GRHL3: variants seen among roughly 807,000 people sequenced by gnomAD.
GRHL3 encodes grainyhead-like protein 3 homolog.
A neutral mutation model predicts 70.3 loss-of-function variants in GRHL3; 20 were observed. The ratio of observed to expected loss-of-function variants is 0.28; its 90% CI spans 0.20 to 0.41. The LOEUF is 0.41. Among genes scored for constraint, GRHL3 ranks in the 10% least tolerant of loss-of-function variants. The probability of loss-of-function intolerance (pLI) is 1.00; values close to 1 mark genes in which losing one functional copy is unlikely to be tolerated. For missense variants in GRHL3, 637 were observed against 762.3 expected, an observed-to-expected ratio of 0.84 and a Z score of 1.94; for synonymous variants, 299 against 299.9, an observed-to-expected ratio of 1.00 and a Z score of 0.03.
chr1:24,363,393 G>C (rs1055821762), intron 15 of GRHL3, among the ~76,000 whole-genome samples: 1 of 152,152 alleles, frequency 6.6e-6, no homozygotes, highest in African/African-American at 2.4e-5. Flanking sequence ...ACTAAGACAC[G>C]GACTTGAGTG....
chr1:24,358,741 C>T (rs1640892787), downstream of GRHL3: 5 of 673,892 alleles, frequency 7.4e-6, no homozygotes, highest in Admixed American at 5.5e-5. Context: ...GTATCTTACA[C>T]GTGGGGAGAC....
rs376264463 is a variant in GRHL3, at chr1:24,331,616, C to T, written c.204+4C>T. ...CTTCCTCTATGATTACTACATGGTA[C>T]GTCTACCCCCTCTGGACATGCCCCG... On this transcript the variant is annotated splice_donor_region_variant and intron_variant, in intron 2 of 15. Transcript: ENST00000361548. 46 of 1,609,408 alleles carry T rather than the reference C, an allele frequency of 2.9e-5. No homozygotes were observed. The highest frequency in any genetic ancestry group is 6.6e-5 in the South Asian group (6 of 90,426).
At chr1:24,348,130 G>C (rs1221541308) in intron 14 of GRHL3, among the ~76,000 whole-genome samples, 2 of 152,220 alleles carry the variant, frequency 1.3e-5, no homozygotes, top group African/African-American at 2.4e-5. Flanking sequence ...GCTGAAGGTG[G>C]AACCACTCGG....
At chr1:24,343,150 A>T in intron 11 of GRHL3, 125 bp downstream of exon 11, 1 of 1,053,456 alleles carries the variant, frequency 9.5e-7, no homozygotes, top group Non-Finnish European at 1.4e-6. Flanking sequence ...ACCTTTATTG[A>T]ATCATAGGGG....
At chr1:24,358,802 G>A (rs1640898637), downstream of GRHL3, among the ~76,000 whole-genome samples, 1 of 152,178 alleles carries the variant, frequency 6.6e-6, no homozygotes, top group Non-Finnish European at 1.5e-5. Flanking sequence ...TGGCCCAGGG[G>A]AAGTCAAACT....
intron 13 of GRHL3, among the ~76,000 whole-genome samples, chr1:24,347,235 C>T (rs867165145): frequency 6.6e-6 from 1 of 152,200 alleles, no homozygotes; most frequent in Non-Finnish European, 1.5e-5. Flanking sequence ...GTTAAAATCA[C>T]GTTTGCAAGG....
intron 3 of GRHL3, among the ~76,000 whole-genome samples, chr1:24,335,044 CA>C (rs1639745196): frequency 6.9e-6 from 1 of 144,426 alleles, no homozygotes; most frequent in Admixed American, 6.7e-5. Flanking sequence ...CACACACACA[CA>C]CACACACACA....
intron 1 of GRHL3, 132 bp from the exon 2 acceptor site, chr1:24,331,294 A>C (rs1569866789): frequency 2.6e-6 from 2 of 779,558 alleles, no homozygotes; most frequent in East Asian, 5.1e-5. Flanking sequence ...ACACTGCCTA[A>C]TGGTGGCAGA....
intron 2 of GRHL3, among the ~76,000 whole-genome samples, chr1:24,333,300 C>T (rs1639678131): frequency 6.6e-6 from 1 of 152,158 alleles, no homozygotes; most frequent in Non-Finnish European, 1.5e-5. Flanking sequence ...CCTAGTCCTG[C>T]CACAAATCTG....
At position 24,319,484 on chromosome 1, in the gene GRHL3, A is replaced by G; in HGVS notation, c.-68A>G. 1 of 1,439,822 alleles carries G rather than the reference A, an allele frequency of 6.9e-7. No individual in the cohort carries two copies. Among genetic ancestry groups the G allele is most frequent in the Non-Finnish European group, 9.8e-7 (1 of 1,021,326 alleles). 89.2% of individuals were successfully genotyped at this position (1,439,822 alleles called of 1,614,324 possible). ...TTCCCGGGCAGAGAATGTCTGTGTCAGGCAAGAATTAGAGACAAGCGGTCA... is the reference window on the plus strand; with the variant it reads ...TTCCCGGGCAGAGAATGTCTGTGTCGGGCAAGAATTAGAGACAAGCGGTCA... On this transcript the variant is annotated 5_prime_UTR_variant, in exon 1 of 16. Transcript: ENST00000361548.
At chr1:24,350,283 G>C (rs1640453751) in intron 15 of GRHL3, among the ~76,000 whole-genome samples, 161 bp downstream of exon 15, 1 of 152,168 alleles carries the variant, frequency 6.6e-6, no homozygotes, top group African/African-American at 2.4e-5. Context: ...GACCAGACAT[G>C]GGTCACAACT....
In GRHL3 at chr1:24,334,589, G is replaced by T; in HGVS notation, c.205-56G>T. On this transcript the variant is annotated intron_variant, in intron 2 of 15. Transcript: ENST00000361548. This position sits in a 1 kb window ranked among gnomAD's most constrained non-coding sequence, Gnocchi z 4.3. The stretch of plus-strand genomic sequence containing the variant: ...GGCCAAAGCTGCAGGAGGGGATTGA[G>T]GCTCCTACCAGCAGAAGCTTAGCCA... 6.9e-7 allele frequency: 1 copy of T among 1,446,392 alleles called. No homozygotes were observed. The highest frequency in any genetic ancestry group is 1.2e-5 in the South Asian group (1 of 85,176). 89.6% of individuals were successfully genotyped at this position (1,446,392 alleles called of 1,614,324 possible).
chr1:24,342,820 A>G lies in GRHL3; in HGVS notation c.1285+48A>G. 1 of 1,613,752 alleles carries G rather than the reference A, an allele frequency of 6.2e-7. No individual in the cohort carries two copies. Among genetic ancestry groups the G allele is most frequent in the Non-Finnish European group, 8.5e-7 (1 of 1,179,686 alleles). The stretch of plus-strand genomic sequence containing the variant: ...GGTGGGCTCGGCTGGCGTGAAGGGG[A>G]GAAGGAGACCAGAGGTGGGAGGGAC... On this transcript the variant is annotated intron_variant, in intron 10 of 15. Coordinates refer to ENST00000361548, the MANE Select transcript of GRHL3 (RefSeq NM_198173.3). This position sits in a 1 kb window ranked among gnomAD's most constrained non-coding sequence, Gnocchi z 4.8.
rs560367872 is a variant in GRHL3 at position 24,333,327 on chromosome 1, T to C, written c.205-1318T>C. On this transcript the variant is annotated intron_variant, in intron 2 of 15. Coordinates refer to ENST00000361548, the MANE Select transcript of GRHL3 (RefSeq NM_198173.3). ...ACAAATCTGGCTTCGGGTAATATAGTGCTAAAGGCAACTGCTTACCATTTC... is the reference window on the plus strand; with the variant it reads ...ACAAATCTGGCTTCGGGTAATATAGCGCTAAAGGCAACTGCTTACCATTTC... 3.9e-5 allele frequency among the ~76,000 whole-genome samples: 6 copies of C among 152,244 alleles called. No homozygotes were observed. The East Asian group carries it at 9.6e-4, about 24-fold the overall frequency.
Position 24,350,042 on chromosome 1 carries a change from T to C in GRHL3, c.1630-16T>C. On this transcript the variant is annotated splice_polypyrimidine_tract_variant and intron_variant, in intron 14 of 15. Coordinates refer to ENST00000361548, the MANE Select transcript of GRHL3 (RefSeq NM_198173.3). Reference sequence around the variant, plus strand: ...CGTGGGCAGCAGGCAATGAATCACCTGTCTTTTCCTTCCAGATCTCTGAGA... The same window carrying C: ...CGTGGGCAGCAGGCAATGAATCACCCGTCTTTTCCTTCCAGATCTCTGAGA... 1 of 1,604,756 alleles carries C rather than the reference T, an allele frequency of 6.2e-7. No individual in the cohort carries two copies. The highest frequency in any genetic ancestry group is 8.5e-7 in the Non-Finnish European group (1 of 1,172,360).
rs1015555665 is a variant in GRHL3, at chr1:24,322,561, G to A, written c.17+2993G>A. 6.6e-6 allele frequency among the ~76,000 whole-genome samples: 1 copy of A among 152,240 alleles called. No homozygotes were observed. Among genetic ancestry groups the A allele is most frequent in the Admixed American group, 6.5e-5 (1 of 15,290 alleles). On this transcript the variant is annotated intron_variant, in intron 1 of 15. Coordinates refer to ENST00000361548, the MANE Select transcript of GRHL3 (RefSeq NM_198173.3). This position sits in a 1 kb window ranked among gnomAD's most constrained non-coding sequence, Gnocchi z 4.4. ...GGCTGTAAAACTGGCGGACTGGGCC[G>A]AGAGGCTTGAGCCAACCCTAACGGC...
Position 24,331,617 on chromosome 1 carries a change from G to A in GRHL3, c.204+5G>A, listed in dbSNP as rs761905056. 3.7e-6 allele frequency: 6 copies of A among 1,609,762 alleles called. No homozygotes were observed. Among genetic ancestry groups the A allele is most frequent in the Admixed American group, 3.3e-5 (2 of 59,816 alleles). ...TTCCTCTATGATTACTACATGGTACGTCTACCCCCTCTGGACATGCCCCGT... is the reference window on the plus strand; with the variant it reads ...TTCCTCTATGATTACTACATGGTACATCTACCCCCTCTGGACATGCCCCGT... On this transcript the variant is annotated splice_donor_5th_base_variant and intron_variant, in intron 2 of 15. Coordinates refer to ENST00000361548, the MANE Select transcript of GRHL3 (RefSeq NM_198173.3).
chr1:24,323,067 G>C (rs1447067053), intron 1 of GRHL3: 3 of 1,549,540 alleles, frequency 1.9e-6, no homozygotes, highest in Non-Finnish European at 2.6e-6. Context: ...GTTAAGAGTG[G>C]TTATTTCTGA....
intron 11 of GRHL3, among the ~76,000 whole-genome samples, chr1:24,343,613 A>C (rs1640133768): frequency 6.6e-6 from 1 of 152,094 alleles, no homozygotes; most frequent in Non-Finnish European, 1.5e-5. Flanking sequence ...CCTGGCAGCC[A>C]GGAGTGGGCT....
Sources: gnomAD v4.1 joint callset for allele counts (sites outside exome capture counted in the v4.1 genomes callset) on GRCh38, gnomAD v4.1.1 for gene constraint, Gnocchi (gnomAD v3.1) non-coding constraint, MANE v1.5 for transcripts, NCBI Gene and HGNC (gene_info 2026-07-23, HGNC 2026-07-21) for gene names.